Variants in SLC44A1 observed in about 807,000 individuals in gnomAD.
SLC44A1 encodes the protein choline transporter-like protein 1.
Under a neutral mutation model 79.3 loss-of-function variants are expected in SLC44A1, and 26 were observed. The ratio of observed to expected loss-of-function variants is 0.33; its 90% confidence interval spans 0.24 to 0.46. SLC44A1 has a LOEUF of 0.46. SLC44A1 is among the 20% of genes least tolerant of loss of function. SLC44A1 has a pLI of 1.00. For synonymous variants in SLC44A1, 263 were observed against 286.2 expected, an observed-to-expected ratio of 0.92 and a Z score of 0.82; for missense variants, 688 against 798.1, an observed-to-expected ratio of 0.86 and a Z score of 1.66.
chr9:105,292,784 C>G (rs919339614), intron 1 of SLC44A1, among the ~76,000 whole-genome samples: 5 of 152,194 alleles, frequency 3.3e-5, no homozygotes, highest in Non-Finnish European at 2.9e-5. Flanking sequence ...CTCTTTCCCA[C>G]TTAAACTAGA....
chr9:105,272,838 T>C (rs1465751724), intron 1 of SLC44A1, among the ~76,000 whole-genome samples: 1 of 152,032 alleles, frequency 6.6e-6, no homozygotes, highest in Non-Finnish European at 1.5e-5. Flanking sequence ...TATAAGCAAA[T>C]TCAAAGCCTC....
At chr9:105,308,094 A>C (rs1013869276) in intron 2 of SLC44A1, among the ~76,000 whole-genome samples, 2 of 152,190 alleles carry the variant, frequency 1.3e-5, no homozygotes, top group African/African-American at 4.8e-5. Flanking sequence ...TTTTAACTTT[A>C]ACTTATAGAT....
At chr9:105,330,482 CAG>C (rs1826715675) in intron 3 of SLC44A1, among the ~76,000 whole-genome samples, 1 of 152,262 alleles carries the variant, frequency 6.6e-6, no homozygotes, top group Admixed American at 6.5e-5. Flanking sequence ...AAAAGCAAAA[CAG>C]AAGTTTAAAC....
At position 105,262,026 on chromosome 9, in the gene SLC44A1, C is replaced by T. The variant is rs12347297; in HGVS notation, c.36+17122C>T. 5.3e-3 allele frequency among the ~76,000 whole-genome samples: 802 copies of T among 152,042 alleles called. 6 individuals are homozygous for T. The highest frequency in any genetic ancestry group is 0.019 in the African/African-American group (772 of 41,470). ...CTCGAACTCCTGACCTCAGGTGATC[C>T]GCCTGCGTTGGCTTCCCAAAGTGCT... On this transcript the variant is annotated intron_variant, in intron 1 of 15. Transcript: ENST00000374720.
intron 2 of SLC44A1, among the ~76,000 whole-genome samples, chr9:105,301,385 G>T (rs1830874895): frequency 6.6e-6 from 1 of 152,118 alleles, no homozygotes; most frequent in Non-Finnish European, 1.5e-5. Context: ...TTAAATGTTG[G>T]CATAGCATTA....
rs1828849517 is a variant in SLC44A1, at chr9:105,395,154, A to G, written c.*6098A>G. ...GTGGAAATATAACTGGCTGGTGAAGAAAGGAGAAAAGTCAGCCCCCTACCC... is the reference window on the plus strand; with the variant it reads ...GTGGAAATATAACTGGCTGGTGAAGGAAGGAGAAAAGTCAGCCCCCTACCC... On this transcript the variant is annotated 3_prime_UTR_variant, in exon 16 of 16. Transcript: ENST00000374720. 2 of 985,498 alleles carry G rather than the reference A, an allele frequency of 2.0e-6. No homozygotes were observed. Among genetic ancestry groups the G allele is most frequent in the East Asian group, 1.1e-4 (1 of 8,824 alleles). 61.0% of individuals were successfully genotyped at this position (985,498 alleles called of 1,614,324 possible). A position where few individuals can be genotyped will look rare whatever the true frequency, so the allele number is the denominator to read the frequency against.
rs1828887430 is a variant in SLC44A1 at position 105,396,886 on chromosome 9, TAC to T, written c.*7832_*7833del. The T allele has an allele frequency of 1.0e-6, 1 of 985,158 alleles. No individual in the cohort carries two copies. Among genetic ancestry groups the T allele is most frequent in the African/African-American group, 1.7e-5 (1 of 57,216 alleles). The allele number at this position is 985,158 out of a possible 1,614,324, so 61.0% of individuals were successfully genotyped here. On this transcript the variant is annotated 3_prime_UTR_variant, in exon 16 of 16. Transcript: ENST00000374720. ...CCATTATTTTGGATTTTTTTCTTATTACAGTGTCACTACACTGTATTCATGTG... is the reference window on the plus strand; with the variant it reads ...CCATTATTTTGGATTTTTTTCTTATTAGTGTCACTACACTGTATTCATGTG...
chr9:105,268,170 T>C (rs932928009), intron 1 of SLC44A1, among the ~76,000 whole-genome samples: 28 of 152,194 alleles, frequency 1.8e-4, no homozygotes, highest in African/African-American at 6.8e-4. Flanking sequence ...AATGCTCTCA[T>C]GCAACCCAAT....
Position 105,385,289 on chromosome 9 carries a change from A to G in SLC44A1, c.1870-133A>G. ...GCAACTCTCATGTGTGATACTAAAC[A>G]TTATTTATTGCTATGTTTTTAAGCC... is the stretch of plus-strand genomic sequence containing the variant. On this transcript the variant is annotated intron_variant, in intron 14 of 15. Transcript: ENST00000374720. 4 of 649,190 alleles carry G rather than the reference A, an allele frequency of 6.2e-6. No individual in the cohort carries two copies. The South Asian group carries it at 8.0e-5, about 13-fold the overall frequency. The allele number at this position is 649,190 out of a possible 1,614,324, so 40.2% of individuals were successfully genotyped here. A position where few individuals can be genotyped will look rare whatever the true frequency, so the allele number is the denominator to read the frequency against.
At position 105,378,452 on chromosome 9, in the gene SLC44A1, G is replaced by A. The variant is rs543188769; in HGVS notation, c.1632+3717G>A. ...TCAATTTTTTACTAACCTAAAGCTTGTATTTGTGTGTAAATCTTGCCCACA... is the reference window on the plus strand; with the variant it reads ...TCAATTTTTTACTAACCTAAAGCTTATATTTGTGTGTAAATCTTGCCCACA... On this transcript the variant is annotated intron_variant, in intron 13 of 15. Transcript: ENST00000374720. 1.4e-4 allele frequency among the ~76,000 whole-genome samples: 22 copies of A among 152,180 alleles called. No individual in the cohort carries two copies. In the South Asian group the frequency reaches 4.4e-3, roughly 30 times the overall value.
At chr9:105,254,364 C>T (rs778458879) in intron 1 of SLC44A1, among the ~76,000 whole-genome samples, 9 of 152,154 alleles carry the variant, frequency 5.9e-5, no homozygotes, top group Non-Finnish European at 1.3e-4. Flanking sequence ...TAAACAAGCT[C>T]TAACAAGAGG....
At chr9:105,270,114 C>T (rs1163552863) in intron 1 of SLC44A1, among the ~76,000 whole-genome samples, 5 of 152,254 alleles carry the variant, frequency 3.3e-5, no homozygotes, top group East Asian at 3.9e-4. Flanking sequence ...TCCCAAGCGT[C>T]GTGCTGGGCT....
chr9:105,438,324 T>A, exon 16 of SLC44A1: 1 of 1,546,196 alleles, frequency 6.5e-7, no homozygotes, highest in Non-Finnish European at 8.7e-7. Context: ...AAGAATGAAC[T>A]CAGAGGAGGT....
At chr9:105,413,723 G>A (rs1205512138) in intron 15 of SLC44A1, among the ~76,000 whole-genome samples, 1 of 152,166 alleles carries the variant, frequency 6.6e-6, no homozygotes, top group Non-Finnish European at 1.5e-5. Context: ...TCCTAGGAGG[G>A]GAAAGGCCAC....
chr9:105,303,409 G>A (rs1830932348), intron 2 of SLC44A1, among the ~76,000 whole-genome samples: 1 of 152,066 alleles, frequency 6.6e-6, no homozygotes, highest in South Asian at 2.1e-4. Flanking sequence ...AGGCAAGAAG[G>A]GAGGAGGCTG....
rs1829341896 is a variant in SLC44A1 at position 105,427,758 on chromosome 9, T to C, written c.1951-10523T>C. On this transcript the variant is annotated intron_variant, in intron 15 of 15. Coordinates refer to the SLC44A1 transcript ENST00000374724. Reference sequence around the variant, plus strand: ...TGAATGTTGATACATATTGCCAAATTGCTCTCCAGAAAGGCTCTACCAATC... The same window carrying C: ...TGAATGTTGATACATATTGCCAAATCGCTCTCCAGAAAGGCTCTACCAATC... 3.3e-5 allele frequency among the ~76,000 whole-genome samples: 5 copies of C among 152,198 alleles called. No individual in the cohort carries two copies. The South Asian group carries it at 1.0e-3, about 31-fold the overall frequency.
downstream of SLC44A1, among the ~76,000 whole-genome samples, chr9:105,400,475 A>G (rs4743813): frequency 0.91 from 137,578 of 150,944 alleles, 62,730 homozygotes; most frequent in East Asian, 1. Flanking sequence ...GTGACAGAGC[A>G]AGACGCCATC....
At position 105,393,808 on chromosome 9, in the gene SLC44A1, G is replaced by GT; in HGVS notation, c.*4756dup. ...TCGAGACCTATTAGGCTATTCTTCA[G>GT]TTTTGATGCTCAGTTTTACAACTTA... On this transcript the variant is annotated 3_prime_UTR_variant, in exon 16 of 16. Coordinates refer to ENST00000374720, the MANE Select transcript of SLC44A1 (RefSeq NM_080546.5). 3 of 985,214 alleles carry GT rather than the reference G, an allele frequency of 3.0e-6. No individual in the cohort carries two copies. The highest frequency in any genetic ancestry group is 3.6e-6 in the Non-Finnish European group (3 of 829,770). 61.0% of individuals were successfully genotyped at this position (985,214 alleles called of 1,614,324 possible).
intron 15 of SLC44A1, among the ~76,000 whole-genome samples, chr9:105,418,513 G>C (rs1017941688): frequency 6.6e-6 from 1 of 152,160 alleles, no homozygotes; most frequent in East Asian, 1.9e-4. Context: ...TTAGCTTACA[G>C]ATTTTCTGTC....
Sources: gnomAD v4.1 joint callset for allele counts (sites outside exome capture counted in the v4.1 genomes callset) on GRCh38, gnomAD v4.1.1 for gene constraint, MANE v1.5 for transcripts, NCBI Gene and HGNC (gene_info 2026-07-23, HGNC 2026-07-21) for gene names.